SDK2: variants seen among roughly 807,000 people sequenced by gnomAD.
SDK2 encodes protein sidekick-2.
A neutral mutation model predicts 253.9 loss-of-function variants in SDK2; 105 were observed. That is an observed-to-expected ratio of 0.41 (90% CI 0.35 to 0.49). SDK2 has a LOEUF of 0.49. Among genes scored for constraint, SDK2 ranks in the 20% least tolerant of loss-of-function variants. SDK2 has a pLI of 0.06. For synonymous variants in SDK2, 1,249 were observed against 1,234.9 expected (o/e 1.01, Z -0.24); for missense variants, 2,608 against 3,003.0 (o/e 0.87, Z 3.07).
Position 73,477,514 on chromosome 17 carries a change from C to G in SDK2, c.225-5296G>C, listed in dbSNP as rs1434493564. ...CAGGCAAGTTATGGGACCTTGCAAG[C>G]CTTAGTTTCCCTGACTGTAAAATGG... On this transcript the variant is annotated intron_variant, in intron 2 of 44. Transcript: ENST00000392650. Among the ~76,000 whole-genome samples, 4 of 152,334 alleles carry G rather than the reference C, an allele frequency of 2.6e-5. No homozygotes were observed. The South Asian group carries it at 6.2e-4, about 24-fold the overall frequency.
intron 1 of SDK2, among the ~76,000 whole-genome samples, chr17:73,561,456 A>G (rs564393648): frequency 9.2e-5 from 14 of 152,348 alleles, no homozygotes; most frequent in African/African-American, 3.4e-4. Flanking sequence ...CCAAGAAGCC[A>G]TGGTTCTCTG....
At chr17:73,502,772 G>A (rs1251927570) in intron 2 of SDK2, among the ~76,000 whole-genome samples, 1 of 152,150 alleles carries the variant, frequency 6.6e-6, no homozygotes, top group Admixed American at 6.5e-5. Context: ...CCACTGGGTG[G>A]GAGAGTCGTG....
At chr17:73,419,377 T>A in intron 15 of SDK2, 71 bp from the exon 16 acceptor site, 1 of 1,528,966 alleles carries the variant, frequency 6.5e-7, no homozygotes, top group South Asian at 1.2e-5. Flanking sequence ...ATGAGAAGGC[T>A]GAACCCTGGC....
rs1333327940 is a variant in SDK2 at position 73,437,803 on chromosome 17, CT to C, written c.935del (p.Lys312ArgfsTer43). On this transcript the variant is annotated frameshift_variant, in exon 8 of 45. Transcript: ENST00000392650. LOFTEE classifies it high-confidence loss of function. ...CCGCAGTGATGTGTCTTTCTGGCTC[CT>C]TGACAAACTGAGGCGGTTCTGCAGG... The part of the protein sequence containing the change: ...LSVLEPPQFV[K>X]EPERHITAEM... 1 of 1,614,040 alleles carries C rather than the reference CT, an allele frequency of 6.2e-7. No individual in the cohort carries two copies. The highest frequency in any genetic ancestry group is 8.5e-7 in the Non-Finnish European group (1 of 1,179,888).
At chr17:73,506,569 T>A (rs552213819) in intron 2 of SDK2, among the ~76,000 whole-genome samples, 24 of 152,342 alleles carry the variant, frequency 1.6e-4, no homozygotes, top group East Asian at 7.7e-4. Flanking sequence ...TGCATACCTG[T>A]CCCTGGCAGC....
chr17:73,370,767 T>C lies in SDK2; in HGVS notation c.4981-2174A>G, dbSNP rs371919287. Among the ~76,000 whole-genome samples, 120 of 152,008 alleles carry C rather than the reference T, an allele frequency of 7.9e-4. No individual in the cohort carries two copies. In the Middle Eastern group the frequency reaches 0.01, roughly 13 times the overall value. ...ATTTCTTTTGTAGTGATTTCTTTTTTAGAAAGGGGGAGAGGGCCGGGTGCA... is the reference window on the plus strand; with the variant it reads ...ATTTCTTTTGTAGTGATTTCTTTTTCAGAAAGGGGGAGAGGGCCGGGTGCA... On this transcript the variant is annotated intron_variant, in intron 36 of 44. Coordinates refer to ENST00000392650, the MANE Select transcript of SDK2 (RefSeq NM_001144952.2).
chr17:73,532,723 T>C (rs997095637), intron 1 of SDK2, among the ~76,000 whole-genome samples: 19 of 152,130 alleles, frequency 1.2e-4, no homozygotes, highest in Admixed American at 1.2e-3. Context: ...ACGGGGGGGC[T>C]GGAGGCTCTC....
chr17:73,603,556 G>C (rs2045869468), intron 1 of SDK2, among the ~76,000 whole-genome samples: 1 of 152,178 alleles, frequency 6.6e-6, no homozygotes, highest in Admixed American at 6.5e-5. Context: ...CAGTGTGCAG[G>C]GAGCTTGGGT....
intron 1 of SDK2, among the ~76,000 whole-genome samples, chr17:73,631,805 G>T (rs2046274553): frequency 6.6e-6 from 1 of 152,210 alleles, no homozygotes; most frequent in Non-Finnish European, 1.5e-5. Flanking sequence ...CTTCTGGAAG[G>T]TACCCACACA....
At chr17:73,378,238 A>G (rs558481216) in intron 36 of SDK2, among the ~76,000 whole-genome samples, 1 of 152,106 alleles carries the variant, frequency 6.6e-6, no homozygotes, top group Admixed American at 6.5e-5. Flanking sequence ...AGCTGGGACT[A>G]TAGGCGCATG....
At chr17:73,489,103 A>AAGCAAT (rs1599614401) in intron 2 of SDK2, among the ~76,000 whole-genome samples, 1 of 152,336 alleles carries the variant, frequency 6.6e-6, no homozygotes, top group East Asian at 1.9e-4. Context: ...ACAACAACAA[A>AAGCAAT]AGCAATAGCA....
intron 2 of SDK2, among the ~76,000 whole-genome samples, chr17:73,474,485 G>A (rs2063672256): frequency 6.6e-6 from 1 of 152,204 alleles, no homozygotes; most frequent in Admixed American, 6.5e-5. Context: ...ACTCACAACT[G>A]GCCACGTGCC....
rs547609086 is a variant in SDK2, at chr17:73,347,591, C to T, written c.6165+1008G>A. On this transcript the variant is annotated intron_variant, in intron 44 of 44. Transcript: ENST00000392650. ...CCCAGGCTTCCTGGCACCTCCTGCA[C>T]AGCCAGCAGCCCAGCTCCCTGCTGG... Among the ~76,000 whole-genome samples the T allele has an allele frequency of 1.2e-4, 18 of 152,342 alleles. No individual in the cohort carries two copies. In the South Asian group the frequency reaches 3.1e-3, roughly 26 times the overall value.
intron 15 of SDK2, 68 bp downstream of exon 15, chr17:73,422,219 C>T (rs1039231666): frequency 2.6e-5 from 40 of 1,564,596 alleles, no homozygotes; most frequent in East Asian, 6.8e-5. Flanking sequence ...TCTGCCACAT[C>T]GGTTTCGGCT....
intron 29 of SDK2, 41 bp downstream of exon 29, chr17:73,390,246 C>CAGCTG (rs752257433): frequency 2.0e-6 from 3 of 1,490,420 alleles, no homozygotes; most frequent in Non-Finnish European, 2.7e-6. Context: ...GGCCCCCCCT[C>CAGCTG]AGCTGCCCCC....
Position 73,413,095 on chromosome 17 carries a change from G to A in SDK2, c.2484+1549C>T, listed in dbSNP as rs539604859. Among the ~76,000 whole-genome samples the A allele has an allele frequency of 6.8e-4, 104 of 152,234 alleles. 1 individual carries two copies. The South Asian group carries it at 0.02, about 29-fold the overall frequency. Reference sequence around the variant, plus strand: ...CCAGGCTGCACAGCAGGAGGTGAGCGGCAGGCAAGAAAGTGAAGCTTCATC... The same window carrying A: ...CCAGGCTGCACAGCAGGAGGTGAGCAGCAGGCAAGAAAGTGAAGCTTCATC... On this transcript the variant is annotated intron_variant, in intron 18 of 44. Transcript: ENST00000392650.
At chr17:73,349,540 C>T (rs576308145) in intron 43 of SDK2, among the ~76,000 whole-genome samples, 2 of 152,308 alleles carry the variant, frequency 1.3e-5, no homozygotes, top group African/African-American at 4.8e-5. Context: ...TGCTCCTGCC[C>T]TTGGAAATGG....
At position 73,511,375 on chromosome 17, in the gene SDK2, G is replaced by A. The variant is rs1001637046; in HGVS notation, c.65-3778C>T. 1.3e-5 allele frequency among the ~76,000 whole-genome samples: 2 copies of A among 152,182 alleles called. No individual in the cohort carries two copies. The highest frequency in any genetic ancestry group is 1.9e-4 in the East Asian group (1 of 5,186). On this transcript the variant is annotated intron_variant, in intron 1 of 44. Coordinates refer to ENST00000392650, the MANE Select transcript of SDK2 (RefSeq NM_001144952.2). This position sits in a 1 kb window ranked among gnomAD's most constrained non-coding sequence, Gnocchi z 4.9. ...ACGCGCGAGCACGCACACGCTCTGC[G>A]CCCAGACGCCCTCGCCTCTGTAAAC...
In SDK2 at chr17:73,455,885, C is replaced by T; in HGVS notation, c.479+21G>A. On this transcript the variant is annotated intron_variant, in intron 4 of 44. Transcript: ENST00000392650. The surrounding 1 kb of genome is among the most constrained non-coding windows in gnomAD (Gnocchi z 5.0). ...CCCAGACACCCCTCCCCTCCCCGTCCCCTCAGAGCGATGCACTCACATGCG... is the reference window on the plus strand; with the variant it reads ...CCCAGACACCCCTCCCCTCCCCGTCTCCTCAGAGCGATGCACTCACATGCG... 2 of 1,525,582 alleles carry T rather than the reference C, an allele frequency of 1.3e-6. No homozygotes were observed. Among genetic ancestry groups the T allele is most frequent in the Non-Finnish European group, 8.8e-7 (1 of 1,137,344 alleles). 94.5% of individuals were successfully genotyped at this position (1,525,582 alleles called of 1,614,324 possible). A position where few individuals can be genotyped will look rare whatever the true frequency, so the allele number is the denominator to read the frequency against.
Sources: allele counts gnomAD v4.1 joint callset (sites outside exome capture counted in the v4.1 genomes callset), GRCh38; gene constraint gnomAD v4.1.1; non-coding constraint Gnocchi (gnomAD v3.1); transcripts MANE v1.5; gene names NCBI Gene and HGNC (gene_info 2026-07-23, HGNC 2026-07-21).